Variants in SGCD observed in about 807,000 individuals in gnomAD.
SGCD encodes delta-sarcoglycan.
SGCD carries 18 observed loss-of-function variants against 36.6 expected under a neutral mutation model. The observed-to-expected ratio is 0.49, with a 90% CI of 0.34 to 0.73. The LOEUF is 0.73. Among genes scored for constraint, SGCD ranks in the 30% least tolerant of loss-of-function variants. The probability of loss-of-function intolerance (pLI) is 0.01; values close to 1 mark genes in which losing one functional copy is unlikely to be tolerated. For synonymous variants in SGCD, 133 were observed against 130.6 expected, an observed-to-expected ratio of 1.02 and a Z score of -0.12; for missense variants, 387 against 346.7, an observed-to-expected ratio of 1.12 and a Z score of -0.92.
At chr5:156,623,140 T>G (rs1326304178) in intron 6 of SGCD, among the ~76,000 whole-genome samples, 1 of 152,178 alleles carries the variant, frequency 6.6e-6, no homozygotes, top group Non-Finnish European at 1.5e-5. Flanking sequence ...TAGATAAATA[T>G]ATATACATAC....
At chr5:155,925,956 T>A (rs1001543208) in intron 1 of SGCD, among the ~76,000 whole-genome samples, 6 of 151,346 alleles carry the variant, frequency 4.0e-5, no homozygotes, top group Non-Finnish European at 7.4e-5. Context: ...AGAGACAGGG[T>A]CTCCCTCTGT....
chr5:156,338,128 T>A (rs1237511358), intron 2 of SGCD, among the ~76,000 whole-genome samples: 1 of 151,122 alleles, frequency 6.6e-6, no homozygotes, highest in Non-Finnish European at 1.5e-5. Flanking sequence ...TTAGGAAACT[T>A]GATGGCATTG....
chr5:156,032,706 CAAAAAAAAAAAAAAAAA>C (rs1171072619), intron 1 of SGCD, among the ~76,000 whole-genome samples: 3 of 15,068 alleles, frequency 2.0e-4, no homozygotes, highest in Non-Finnish European at 4.7e-4. Flanking sequence ...GACTCCGTCT[CAAAAAAAAAAAAAAAAA>C]AAAAAAAAAA....
intron 6 of SGCD, among the ~76,000 whole-genome samples, chr5:156,609,772 C>T (rs1761688367): frequency 6.6e-6 from 1 of 152,196 alleles, no homozygotes; most frequent in Non-Finnish European, 1.5e-5. Context: ...CTAAACTTCT[C>T]TTCTCACTTC....
intron 3 of SGCD, among the ~76,000 whole-genome samples, chr5:156,237,397 G>A (rs949745963): frequency 6.6e-6 from 1 of 152,040 alleles, no homozygotes; most frequent in African/African-American, 2.4e-5. Context: ...GGCCGAGGCA[G>A]GCAAATCACC....
intron 4 of SGCD, among the ~76,000 whole-genome samples, chr5:156,537,532 C>T (rs1321535692): frequency 6.6e-6 from 1 of 150,724 alleles, no homozygotes; most frequent in African/African-American, 2.4e-5. Context: ...TTCACAGGTC[C>T]CCTTTCCTCC....
intron 3 of SGCD, among the ~76,000 whole-genome samples, chr5:156,476,286 G>GA (rs149740148): frequency 0.023 from 3,447 of 152,168 alleles, 107 homozygotes; most frequent in African/African-American, 0.072. Flanking sequence ...GTTAATCTCT[G>GA]AAAAAATTAG....
intron 3 of SGCD, among the ~76,000 whole-genome samples, chr5:156,154,101 A>T (rs1455855917): frequency 1.3e-5 from 2 of 151,590 alleles, no homozygotes; most frequent in Non-Finnish European, 2.9e-5. Context: ...TGAAGCACTG[A>T]TTAACCACTG....
At chr5:156,486,710 T>C (rs1220408866) in intron 3 of SGCD, among the ~76,000 whole-genome samples, 1 of 152,142 alleles carries the variant, frequency 6.6e-6, no homozygotes, top group Non-Finnish European at 1.5e-5. Context: ...GCACTTGCCT[T>C]CCAGGGGCAT....
At chr5:156,002,782 C>T (rs1020946243) in intron 1 of SGCD, among the ~76,000 whole-genome samples, 3 of 152,210 alleles carry the variant, frequency 2.0e-5, no homozygotes, top group Non-Finnish European at 4.4e-5. Flanking sequence ...TAACAACCAT[C>T]TTGGCTGATT....
the SGCD span, among the ~76,000 whole-genome samples, chr5:155,788,767 A>G: frequency 7.6e-4 from 116 of 152,314 alleles, no homozygotes; most frequent in Admixed American, 2.4e-3. Flanking sequence ...CTTTATTTGC[A>G]GAGGCAGATA....
At chr5:156,177,741 A>AAC (rs1187496000) in intron 3 of SGCD, among the ~76,000 whole-genome samples, 2 of 152,100 alleles carry the variant, frequency 1.3e-5, no homozygotes, top group African/African-American at 4.8e-5. Context: ...CTCCTTTCTA[A>AAC]ACAGTCTCCC....
chr5:156,185,308 G>A (rs1057234046), intron 3 of SGCD, among the ~76,000 whole-genome samples: 7 of 148,016 alleles, frequency 4.7e-5, no homozygotes, highest in Non-Finnish European at 8.9e-5. Context: ...TCCGCCTCCC[G>A]GGTTCACACC....
At chr5:156,576,083 C>T (rs181038496) in intron 4 of SGCD, among the ~76,000 whole-genome samples, 1 of 151,846 alleles carries the variant, frequency 6.6e-6, no homozygotes, top group South Asian at 2.1e-4. Context: ...CTGCCCCCCA[C>T]CCCACAATAG....
intron 7 of SGCD, among the ~76,000 whole-genome samples, chr5:156,750,940 G>A (rs991048291): frequency 6.6e-6 from 1 of 152,092 alleles, no homozygotes; most frequent in Non-Finnish European, 1.5e-5. Flanking sequence ...ATAAGTAATT[G>A]GAGATAGCTA....
intron 3 of SGCD, among the ~76,000 whole-genome samples, chr5:156,316,627 T>G (rs938599364): frequency 2.0e-4 from 30 of 152,130 alleles, no homozygotes; most frequent in African/African-American, 7.2e-4. Context: ...TGGAACAGAA[T>G]AGTGAGCCCA....
the SGCD span, among the ~76,000 whole-genome samples, chr5:155,840,313 G>A: frequency 1.3e-5 from 2 of 149,876 alleles, no homozygotes; most frequent in East Asian, 2.0e-4. Flanking sequence ...GCGTGATCTC[G>A]GCTCACTGCA....
At chr5:156,714,115 C>A (rs982140905) in intron 7 of SGCD, among the ~76,000 whole-genome samples, 5 of 152,186 alleles carry the variant, frequency 3.3e-5, no homozygotes, top group Non-Finnish European at 7.3e-5. Context: ...TTATTTGTAA[C>A]CCAGAATCCA....
the SGCD span, among the ~76,000 whole-genome samples, chr5:155,747,262 G>A: frequency 6.6e-6 from 1 of 152,156 alleles, no homozygotes; most frequent in African/African-American, 2.4e-5. Context: ...GGACAGAATA[G>A]GAATAGAACA....
Sources: allele counts gnomAD v4.1 joint callset (sites outside exome capture counted in the v4.1 genomes callset), GRCh38; gene constraint gnomAD v4.1.1; transcripts MANE v1.5; gene names NCBI Gene and HGNC (gene_info 2026-07-23, HGNC 2026-07-21).